NUDT3: variants seen among roughly 807,000 people sequenced by gnomAD.
NUDT3 encodes the protein nudix hydrolase 3.
NUDT3 carries 9 observed loss-of-function variants against 23.6 expected under a neutral mutation model. The observed-to-expected ratio is 0.38, with a 90% CI of 0.23 to 0.66. The LOEUF (loss-of-function observed/expected upper bound fraction) is 0.66. Among genes scored for constraint, NUDT3 ranks in the 30% least tolerant of loss-of-function variants. The probability of loss-of-function intolerance (pLI) is 0.52; values close to 1 mark genes in which losing one functional copy is unlikely to be tolerated. For synonymous variants in NUDT3, 86 were observed against 82.6 expected (o/e 1.04, Z -0.22); for missense variants, 172 against 218.5 (o/e 0.79, Z 1.34).
intron 2 of NUDT3, among the ~76,000 whole-genome samples, chr6:34,334,010 G>A (rs1203032488): frequency 4.6e-5 from 7 of 152,204 alleles, no homozygotes; most frequent in African/African-American, 9.6e-5. Context: ...CAGGTCCTCC[G>A]CAGTGGAAGA....
intron 3 of NUDT3, among the ~76,000 whole-genome samples, chr6:34,295,412 C>A (rs1012928030): frequency 6.6e-6 from 1 of 151,912 alleles, no homozygotes; most frequent in African/African-American, 2.4e-5. Context: ...GTCTCACCTA[C>A]CTGGGAGGCT....
At chr6:34,324,012 C>A (rs190169103) in intron 2 of NUDT3, among the ~76,000 whole-genome samples, 84 of 152,246 alleles carry the variant, frequency 5.5e-4, no homozygotes, top group African/African-American at 1.9e-3. Context: ...AACTTGGCTA[C>A]ACTAATACAC....
intron 1 of NUDT3, among the ~76,000 whole-genome samples, chr6:34,365,441 A>T (rs148173717): frequency 4.9e-4 from 74 of 152,268 alleles, no homozygotes; most frequent in African/African-American, 1.7e-3. Flanking sequence ...AATAAATAAA[A>T]TAAATAAATA....
chr6:34,388,221 CA>C (rs1045599223), intron 1 of NUDT3, among the ~76,000 whole-genome samples: 2 of 152,124 alleles, frequency 1.3e-5, no homozygotes, highest in Non-Finnish European at 2.9e-5. Flanking sequence ...GATGTTTACA[CA>C]ACAACAAAAT....
In NUDT3 at chr6:34,287,805, G is replaced by A. The variant is rs1001470271; in HGVS notation, c.*948C>T. ...GATTCCAAACCAGCAGAACAGAAAT[G>A]GACCTGATGCTCCAGTTTTTTAGAT... On this transcript the variant is annotated 3_prime_UTR_variant, in exon 5 of 5. Coordinates refer to ENST00000607016, the MANE Select transcript of NUDT3 (RefSeq NM_006703.4). The A allele has an allele frequency of 1.3e-5, 2 of 152,162 alleles. No individual in the cohort carries two copies. Among genetic ancestry groups the A allele is most frequent in the Non-Finnish European group, 2.9e-5 (2 of 68,030 alleles). 9.4% of individuals were successfully genotyped at this position (152,162 alleles called of 1,614,324 possible). A position where few individuals can be genotyped will look rare whatever the true frequency, so the allele number is the denominator to read the frequency against.
At position 34,353,413 on chromosome 6, in the gene NUDT3, T is replaced by TTACTTACCTA. The variant is rs1313724102; in HGVS notation, c.100-11451_100-11442dup. Among the ~76,000 whole-genome samples the TTACTTACCTA allele has an allele frequency of 2.0e-5, 3 of 151,944 alleles. No individual in the cohort carries two copies. The East Asian group carries it at 5.8e-4, about 29-fold the overall frequency. On this transcript the variant is annotated intron_variant, in intron 1 of 4. Transcript: ENST00000607016. ...ACTATCAATGTTTGCCAATCTTGTT[T>TTACTTACCTA]TACTTACCTATACACAACTCCCAAG...
At chr6:34,346,687 T>A (rs904495172) in intron 1 of NUDT3, among the ~76,000 whole-genome samples, 4 of 151,966 alleles carry the variant, frequency 2.6e-5, no homozygotes, top group East Asian at 3.9e-4. Flanking sequence ...CTGTTACTGG[T>A]AAATAGCTCT....
intron 2 of NUDT3, among the ~76,000 whole-genome samples, chr6:34,306,213 T>C (rs997095876): frequency 6.6e-6 from 1 of 152,352 alleles, no homozygotes; most frequent in African/African-American, 2.4e-5. Flanking sequence ...TACTTTATAT[T>C]GATGGAGGTT....
intron 2 of NUDT3, among the ~76,000 whole-genome samples, chr6:34,330,259 C>T (rs1764107731): frequency 6.6e-6 from 1 of 152,136 alleles, no homozygotes; most frequent in Admixed American, 6.6e-5. Context: ...AATTTACAGT[C>T]CCACCAACAG....
chr6:34,314,769 C>T (rs1019735988), intron 2 of NUDT3, among the ~76,000 whole-genome samples: 1 of 151,984 alleles, frequency 6.6e-6, no homozygotes, highest in Non-Finnish European at 1.5e-5. Context: ...CTGTGTGATT[C>T]GGGGCAAATT....
At chr6:34,383,343 A>T (rs1765055030) in intron 1 of NUDT3, among the ~76,000 whole-genome samples, 1 of 152,160 alleles carries the variant, frequency 6.6e-6, no homozygotes, top group Non-Finnish European at 1.5e-5. Context: ...AGATCAACTA[A>T]TTGTATACAA....
intron 2 of NUDT3, among the ~76,000 whole-genome samples, chr6:34,310,070 A>C (rs1322681841): frequency 6.6e-6 from 1 of 151,994 alleles, no homozygotes; most frequent in African/African-American, 2.4e-5. Flanking sequence ...CCATCTCTGC[A>C]AAAAATAAAA....
intron 2 of NUDT3, among the ~76,000 whole-genome samples, chr6:34,307,371 G>C (rs1763698114): frequency 6.6e-6 from 1 of 152,196 alleles, no homozygotes; most frequent in African/African-American, 2.4e-5. Context: ...TTGAGGCCAG[G>C]AGTTCGAGAC....
At chr6:34,348,494 C>G (rs995536405) in intron 1 of NUDT3, among the ~76,000 whole-genome samples, 10 of 151,684 alleles carry the variant, frequency 6.6e-5, no homozygotes, top group Admixed American at 2.0e-4. Context: ...AAAAAAGAAA[C>G]AGGCTGGGAG....
intron 1 of NUDT3, among the ~76,000 whole-genome samples, chr6:34,372,712 G>A (rs965942450): frequency 8.2e-4 from 125 of 152,192 alleles, no homozygotes; most frequent in African/African-American, 3.0e-3. Flanking sequence ...GCTGAGGCAG[G>A]AGAATCGCTT....
chr6:34,347,153 T>C (rs1190194785), intron 1 of NUDT3, among the ~76,000 whole-genome samples: 1 of 152,204 alleles, frequency 6.6e-6, no homozygotes, highest in East Asian at 1.9e-4. Flanking sequence ...TAAATTCTTA[T>C]TCTGAAGTTT....
chr6:34,390,257 G>A (rs1265928943), intron 1 of NUDT3, among the ~76,000 whole-genome samples: 1 of 151,428 alleles, frequency 6.6e-6, no homozygotes, highest in Admixed American at 6.6e-5. Context: ...TGGGGCCACT[G>A]CACTCCAGCC....
chr6:34,296,174 T>A (rs1581848808), intron 2 of NUDT3, among the ~76,000 whole-genome samples: 1 of 152,060 alleles, frequency 6.6e-6, no homozygotes, highest in Admixed American at 6.6e-5. Context: ...GAGGCTAAGG[T>A]GAGAGGATCA....
intron 2 of NUDT3, among the ~76,000 whole-genome samples, chr6:34,317,915 T>C (rs1459419301): frequency 6.6e-6 from 1 of 152,132 alleles, no homozygotes; most frequent in African/African-American, 2.4e-5. Context: ...ATCTCAATGA[T>C]CTCCATGTGA....
Sources: allele counts gnomAD v4.1 joint callset (sites outside exome capture counted in the v4.1 genomes callset), GRCh38; gene constraint gnomAD v4.1.1; transcripts MANE v1.5; gene names NCBI Gene and HGNC (gene_info 2026-07-23, HGNC 2026-07-21).